The following TGM2 variants were observed in gnomAD, a reference collection of about 807,000 sequenced individuals.
TGM2 encodes the protein protein-glutamine gamma-glutamyltransferase 2.
Under a neutral mutation model 75.6 loss-of-function variants are expected in TGM2, and 53 were observed. The observed-to-expected ratio is 0.70, with a 90% confidence interval of 0.56 to 0.88. TGM2 has a LOEUF of 0.88. Among genes scored for constraint, TGM2 ranks in the 40% least tolerant of loss-of-function variants. The pLI is 0.00. For missense variants in TGM2, 842 were observed against 928.5 expected, an observed-to-expected ratio of 0.91 and a Z score of 1.21; for synonymous variants, 374 against 381.1, an observed-to-expected ratio of 0.98 and a Z score of 0.22.
chr20:38,165,126 C>A (rs748751734), intron 1 of TGM2, 63 bp downstream of exon 1: 113 of 1,612,554 alleles, frequency 7.0e-5, no homozygotes, highest in Non-Finnish European at 9.4e-5. Flanking sequence ...CAGCTCCCAC[C>A]GGGTCCTGAC....
At chr20:38,150,767 C>T (rs1310845284) in intron 4 of TGM2, among the ~76,000 whole-genome samples, 172 bp downstream of exon 4, 4 of 152,258 alleles carry the variant, frequency 2.6e-5, no homozygotes, top group Non-Finnish European at 5.9e-5. Context: ...CTCAGGGCAG[C>T]CTTGGCCCTC....
chr20:38,133,021 G>C (rs552649923), intron 10 of TGM2: 1 of 362,260 alleles, frequency 2.8e-6, no homozygotes, highest in Non-Finnish European at 5.5e-6. Flanking sequence ...AGGCTTGTAC[G>C]TGTATTACCA....
chr20:38,148,227 ATC>A (rs2075070715), intron 4 of TGM2, 138 bp from the exon 5 acceptor site: 1 of 1,117,980 alleles, frequency 8.9e-7, no homozygotes, highest in Non-Finnish European at 1.3e-6. Context: ...AGTCTACCAA[ATC>A]TCTCTGGTGG....
intron 6 of TGM2, among the ~76,000 whole-genome samples, chr20:38,143,298 C>G (rs1000434927): frequency 1.3e-5 from 2 of 152,200 alleles, no homozygotes; most frequent in African/African-American, 2.4e-5. Flanking sequence ...GGACCAGTCC[C>G]TTCATGTCTC....
chr20:38,144,155 G>A (rs1054723741), intron 6 of TGM2, among the ~76,000 whole-genome samples: 2 of 152,124 alleles, frequency 1.3e-5, no homozygotes, highest in Non-Finnish European at 2.9e-5. Context: ...GTGGTGTCCC[G>A]GGAGGCCTCC....
chr20:38,137,501 G>A (rs1338772449), intron 10 of TGM2, among the ~76,000 whole-genome samples: 4 of 152,296 alleles, frequency 2.6e-5, no homozygotes, highest in South Asian at 2.1e-4. Context: ...TTAGTTCTAC[G>A]GTTGCACCAG....
chr20:38,135,643 C>G (rs537470143), intron 10 of TGM2, among the ~76,000 whole-genome samples: 1 of 152,078 alleles, frequency 6.6e-6, no homozygotes, highest in South Asian at 2.1e-4. Flanking sequence ...CTGTCTCGGA[C>G]TCTCGGGGCC....
intron 3 of TGM2, among the ~76,000 whole-genome samples, chr20:38,153,551 G>C (rs1167033287): frequency 2.1e-5 from 2 of 93,138 alleles, no homozygotes; most frequent in Non-Finnish European, 3.8e-5. Flanking sequence ...AAAAAAGAAT[G>C]AATGAGCAGA....
Position 38,165,248 on chromosome 20 carries a change from T to C in TGM2, c.-50A>G. On this transcript the variant is annotated 5_prime_UTR_variant, in exon 1 of 13. Transcript: ENST00000361475. ...TCCACTGGCGGCGAGACCCTCCAAG[T>C]GCGACCACTGGCGGCTGGCACTGCC... 1.9e-6 allele frequency: 3 copies of C among 1,610,966 alleles called. No individual in the cohort carries two copies. Among genetic ancestry groups the C allele is most frequent in the Admixed American group, 1.7e-5 (1 of 59,974 alleles).
At chr20:38,155,775 C>A in intron 3 of TGM2, 72 bp downstream of exon 3, 2 of 1,531,186 alleles carry the variant, frequency 1.3e-6, no homozygotes, top group East Asian at 2.4e-5. Flanking sequence ...CTTCTCACCT[C>A]CAGTAGCCTC....
In TGM2 at chr20:38,156,062, G is replaced by A. The variant is rs756709781; in HGVS notation, c.218C>T (p.Thr73Ile). The change falls in exon 3 of 13, where the codon ACC (threonine) becomes ATC (isoleucine). Residue 73 changes from threonine (T) to isoleucine (I), a missense_variant. Physicochemically the swap from Thr to Ile is moderately conservative, Grantham distance 89. Coordinates refer to ENST00000361475, the MANE Select transcript of TGM2 (RefSeq NM_004613.4). ...TGPAPSQEAGTKARFPLRDAV... is the reference protein window; with the variant it reads ...TGPAPSQEAGIKARFPLRDAV... ...ATCTCTTAGTGGAAAACGGGCCTTG[G>A]TCCCGGCCTCCTGGCTAGGGGCTGG... is the stretch of plus-strand genomic sequence containing the variant. 2 of 1,613,534 alleles carry A rather than the reference G, an allele frequency of 1.2e-6. No homozygotes were observed. The highest frequency in any genetic ancestry group is 2.2e-5 in the East Asian group (1 of 44,896).
chr20:38,154,659 C>CT (rs1291987974), intron 3 of TGM2, among the ~76,000 whole-genome samples: 1 of 152,198 alleles, frequency 6.6e-6, no homozygotes, highest in Non-Finnish European at 1.5e-5. Flanking sequence ...TCATCTCCCC[C>CT]TTGGGATTGT....
At position 38,155,964 on chromosome 20, in the gene TGM2, T is replaced by TG. The variant is rs766636061; in HGVS notation, c.315dup (p.Thr106HisfsTer81). 9 of 1,612,570 alleles carry TG rather than the reference T, an allele frequency of 5.6e-6. No homozygotes were observed. Among genetic ancestry groups the TG allele is most frequent in the Non-Finnish European group, 7.6e-6 (9 of 1,179,628 alleles). ...AGGCCGATGGGGGCGTTGGCCGGGG[T>TG]GGTGAGCTGCAGCGAGAGGGTGCAG... On this transcript the variant is annotated frameshift_variant, in exon 3 of 13. Transcript: ENST00000361475. LOFTEE classifies it high-confidence loss of function.
chr20:38,152,076 C>T (rs2075121361), intron 3 of TGM2, among the ~76,000 whole-genome samples: 1 of 152,176 alleles, frequency 6.6e-6, no homozygotes, highest in Non-Finnish European at 1.5e-5. Flanking sequence ...GTTATGACTG[C>T]CTTGGTTAAT....
At chr20:38,156,963 C>T (rs757130250) in intron 2 of TGM2, among the ~76,000 whole-genome samples, 17 of 152,204 alleles carry the variant, frequency 1.1e-4, no homozygotes, top group South Asian at 4.1e-4. Flanking sequence ...GTGATGGGCA[C>T]ACTCTCAAAG....
chr20:38,128,000 GA>G lies in TGM2; in HGVS notation c.*2218del, dbSNP rs1600470637. Reference sequence around the variant, plus strand: ...GGGCTTCAGATAGGATGGAGAAGGGGACAGATAGGCCAACGTGGAAGTAAAA... The same window carrying G: ...GGGCTTCAGATAGGATGGAGAAGGGGCAGATAGGCCAACGTGGAAGTAAAA... On this transcript the variant is annotated 3_prime_UTR_variant, in exon 13 of 13. Coordinates refer to ENST00000361475, the MANE Select transcript of TGM2 (RefSeq NM_004613.4). 2 of 152,326 alleles carry G rather than the reference GA, an allele frequency of 1.3e-5. No homozygotes were observed. The highest frequency in any genetic ancestry group is 3.9e-4 in the East Asian group (2 of 5,192). The allele number at this position is 152,326 out of a possible 1,614,324, so 9.4% of individuals were successfully genotyped here.
intron 11 of TGM2, among the ~76,000 whole-genome samples, chr20:38,131,692 C>T (rs559414044): frequency 6.6e-6 from 1 of 152,230 alleles, no homozygotes; most frequent in East Asian, 1.9e-4. Flanking sequence ...CTGCTCACTG[C>T]CGCTCCCTCT....
rs777160525 is a variant in TGM2 at position 38,147,997 on chromosome 20, G to A, written c.645C>T (p.Ser215=). ...CCACCCGGCCCACGTAGACGGGGCT[G>A]CTGCGGCGGGAGCAGTCACGGCCGG... ...KNAGRDCSRR[S]SPVYVGRVVS... is the part of the protein sequence containing the mutation. Residue 215 remains serine (S), a synonymous_variant, in exon 5 of 13, where the codon AGC becomes AGT. Coordinates refer to ENST00000361475, the MANE Select transcript of TGM2 (RefSeq NM_004613.4). 7.5e-6 allele frequency: 12 copies of A among 1,598,642 alleles called. No individual in the cohort carries two copies. The highest frequency in any genetic ancestry group is 1.0e-5 in the Non-Finnish European group (12 of 1,171,050).
intron 3 of TGM2, among the ~76,000 whole-genome samples, chr20:38,153,048 G>C (rs1411157536): frequency 2.5e-5 from 3 of 121,660 alleles, no homozygotes; most frequent in African/African-American, 5.9e-5. Context: ...CGGGGGGGGG[G>C]ATCCAGTAAG....
Sources: allele counts gnomAD v4.1 joint callset (sites outside exome capture counted in the v4.1 genomes callset), GRCh38; gene constraint gnomAD v4.1.1; transcripts MANE v1.5; gene names NCBI Gene and HGNC (gene_info 2026-07-23, HGNC 2026-07-21).